ZDHHC14: variants seen among roughly 807,000 people sequenced by gnomAD.
ZDHHC14 encodes the protein zDHHC palmitoyltransferase 14.
ZDHHC14 carries 16 observed loss-of-function variants against 47.7 expected under a neutral mutation model. The observed-to-expected ratio is 0.34, with a 90% CI of 0.23 to 0.51. The LOEUF (loss-of-function observed/expected upper bound fraction) is 0.51. Ranked by LOEUF, ZDHHC14 falls within the 20% of genes least tolerant of loss-of-function variation. ZDHHC14 has a pLI of 0.97. For synonymous variants in ZDHHC14, 293 were observed against 278.9 expected (o/e 1.05, Z -0.50); for missense variants, 515 against 662.5 (o/e 0.78, Z 2.44).
intron 8 of ZDHHC14, among the ~76,000 whole-genome samples, chr6:157,664,499 G>A (rs893464972): frequency 1.4e-4 from 21 of 152,126 alleles, no homozygotes; most frequent in Admixed American, 9.8e-4. Context: ...ATTATGTTTC[G>A]TTAGTACAGA....
intron 2 of ZDHHC14, among the ~76,000 whole-genome samples, chr6:157,558,323 G>C (rs776773536): frequency 1.3e-4 from 20 of 152,130 alleles, no homozygotes; most frequent in African/African-American, 4.8e-4. Context: ...CCTTTTGACA[G>C]ATGCCTGGTA....
chr6:157,490,788 T>A (rs1300844285), intron 1 of ZDHHC14, among the ~76,000 whole-genome samples: 1 of 152,168 alleles, frequency 6.6e-6, no homozygotes, highest in Non-Finnish European at 1.5e-5. Flanking sequence ...GGCCAGCAGA[T>A]CTCAGGGCAG....
At chr6:157,575,568 T>G (rs1309835550) in intron 2 of ZDHHC14, among the ~76,000 whole-genome samples, 1 of 152,160 alleles carries the variant, frequency 6.6e-6, no homozygotes, top group East Asian at 1.9e-4. Context: ...AGCTGCCCCC[T>G]GTGCCCGAAG....
Position 157,420,995 on chromosome 6 carries a change from G to C in ZDHHC14, c.245+38729G>C, listed in dbSNP as rs530288108. On this transcript the variant is annotated intron_variant, in intron 1 of 8. Coordinates refer to ENST00000359775, the MANE Select transcript of ZDHHC14 (RefSeq NM_024630.3). ...TAAGCTAGCTTCAGTTAGGTTTTCT[G>C]ATGCTTTGCAGCAGAACACATCTGA... Among the ~76,000 whole-genome samples, 93 of 152,274 alleles carry C rather than the reference G, an allele frequency of 6.1e-4. 2 individuals carry two copies. Among genetic ancestry groups the C allele is most frequent in the Admixed American group, 9.1e-4 (14 of 15,306 alleles).
chr6:157,540,933 T>TATATATATATAA (rs1252700559), intron 1 of ZDHHC14, among the ~76,000 whole-genome samples: 8 of 143,446 alleles, frequency 5.6e-5, no homozygotes, highest in African/African-American at 2.2e-4. Context: ...TATATATATA[T>TATATATATATAA]AATTTCATAC....
intron 1 of ZDHHC14, among the ~76,000 whole-genome samples, chr6:157,409,268 G>A (rs1452217775): frequency 2.0e-5 from 3 of 152,214 alleles, no homozygotes; most frequent in Admixed American, 2.0e-4. Flanking sequence ...ATCCACACCG[G>A]GGGTGCGGAC....
At chr6:157,437,018 G>A (rs758123898) in intron 1 of ZDHHC14, among the ~76,000 whole-genome samples, 1 of 152,136 alleles carries the variant, frequency 6.6e-6, no homozygotes, top group Admixed American at 6.5e-5. Flanking sequence ...AGCAGCCACT[G>A]AAAAGGGGAG....
chr6:157,578,658 G>C (rs954432334), intron 2 of ZDHHC14, among the ~76,000 whole-genome samples: 1 of 152,204 alleles, frequency 6.6e-6, no homozygotes, highest in African/African-American at 2.4e-5. Context: ...AATCATGGGG[G>C]TGGTTTCCCC....
intron 8 of ZDHHC14, among the ~76,000 whole-genome samples, chr6:157,671,035 G>C (rs1473444817): frequency 1.3e-5 from 2 of 152,142 alleles, no homozygotes; most frequent in Non-Finnish European, 2.9e-5. Flanking sequence ...GTGCATGTTG[G>C]CTCTGCACCG....
chr6:157,592,634 C>T, intron 2 of ZDHHC14: 4 of 612,852 alleles, frequency 6.5e-6, no homozygotes, highest in East Asian at 1.9e-4. Context: ...CAGGCGACTC[C>T]CCAGCTGTGT....
chr6:157,559,931 A>G (rs551588740), intron 2 of ZDHHC14, among the ~76,000 whole-genome samples: 1 of 152,316 alleles, frequency 6.6e-6, no homozygotes, highest in South Asian at 2.1e-4. Flanking sequence ...CAAAATAGAA[A>G]CCTTACTTGA....
At chr6:157,535,651 G>T (rs565471765) in intron 1 of ZDHHC14, among the ~76,000 whole-genome samples, 29 of 152,118 alleles carry the variant, frequency 1.9e-4, no homozygotes, top group South Asian at 6.2e-4. Flanking sequence ...GGCTCTGTGC[G>T]TCTGGGGTAA....
At chr6:157,639,763 G>A (rs144283811) in intron 5 of ZDHHC14, among the ~76,000 whole-genome samples, 45 of 152,304 alleles carry the variant, frequency 3.0e-4, no homozygotes, top group Admixed American at 1.6e-3. Flanking sequence ...GAGTAGGAGC[G>A]TTCTGCCAAG....
At chr6:157,546,137 A>G (rs1177900823) in intron 2 of ZDHHC14, among the ~76,000 whole-genome samples, 1 of 152,204 alleles carries the variant, frequency 6.6e-6, no homozygotes, top group Non-Finnish European at 1.5e-5. Context: ...TACCTCCTCC[A>G]GGCTGAGGAA....
intron 1 of ZDHHC14, among the ~76,000 whole-genome samples, chr6:157,498,858 C>T (rs551783934): frequency 6.6e-6 from 1 of 152,304 alleles, no homozygotes; most frequent in African/African-American, 2.4e-5. Flanking sequence ...GTTAAAGCCG[C>T]CTATGGCTGT....
intron 3 of ZDHHC14, among the ~76,000 whole-genome samples, chr6:157,596,006 TGCTCAGGG>T (rs1351440693): frequency 2.0e-5 from 3 of 152,178 alleles, no homozygotes; most frequent in Admixed American, 6.5e-5. Flanking sequence ...CTCTGAGTGG[TGCTCAGGG>T]CCAGCTCCGT....
At chr6:157,587,924 A>G (rs1783755623) in intron 2 of ZDHHC14, among the ~76,000 whole-genome samples, 1 of 152,196 alleles carries the variant, frequency 6.6e-6, no homozygotes, top group Non-Finnish European at 1.5e-5. Context: ...GCTTGAGACC[A>G]GCCTGAGCAA....
At chr6:157,465,241 T>A (rs1188783915) in intron 1 of ZDHHC14, among the ~76,000 whole-genome samples, 2 of 152,130 alleles carry the variant, frequency 1.3e-5, no homozygotes, top group African/African-American at 4.8e-5. Flanking sequence ...CATTTTAGAT[T>A]GTGTTAGTTT....
chr6:157,604,009 A>G (rs1189183388), intron 3 of ZDHHC14, among the ~76,000 whole-genome samples: 1 of 152,172 alleles, frequency 6.6e-6, no homozygotes, highest in Non-Finnish European at 1.5e-5. Context: ...CAAATATACT[A>G]AGAGAAAAAA....
Sources: allele counts gnomAD v4.1 joint callset (sites outside exome capture counted in the v4.1 genomes callset), GRCh38; gene constraint gnomAD v4.1.1; transcripts MANE v1.5; gene names NCBI Gene and HGNC (gene_info 2026-07-23, HGNC 2026-07-21).